The following IGFN1 variants were observed in gnomAD, a reference collection of about 807,000 sequenced individuals.
The protein encoded by IGFN1 is immunoglobulin like and fibronectin type III domain containing 1.
A neutral mutation model predicts 289.5 loss-of-function variants in IGFN1; 253 were observed. The ratio of observed to expected loss-of-function variants is 0.87; its 90% CI spans 0.79 to 0.97. The LOEUF is 0.97. Ranked by LOEUF, IGFN1 falls within the 50% of genes least tolerant of loss-of-function variation. The pLI is 0.00. For missense variants in IGFN1, 4,470 were observed against 4,686.1 expected, an observed-to-expected ratio of 0.95 and a Z score of 1.35; for synonymous variants, 1,706 against 1,788.5, an observed-to-expected ratio of 0.95 and a Z score of 1.16.
chr1:201,227,381 A>G (rs114446322), intron 23 of IGFN1, among the ~76,000 whole-genome samples, 173 bp downstream of exon 23: 1 of 151,998 alleles, frequency 6.6e-6, no homozygotes, highest in African/African-American at 2.4e-5. Context: ...ACACCGGCCC[A>G]CATGTGGTCT....
intron 17 of IGFN1, 43 bp downstream of exon 17, chr1:201,217,503 T>A: frequency 6.3e-7 from 1 of 1,599,274 alleles, no homozygotes. Flanking sequence ...AGACCCCTCC[T>A]GGCTCCAGGA....
In IGFN1 at chr1:201,212,144, G is replaced by A; in HGVS notation, c.7251G>A (p.Gly2417=). 2.0e-6 allele frequency: 3 copies of A among 1,536,336 alleles called. No individual in the cohort carries two copies. The highest frequency in any genetic ancestry group is 2.6e-6 in the Non-Finnish European group (3 of 1,146,746). The change falls in exon 12 of 24, where the codon GGG becomes GGA. Residue 2417 remains glycine, a synonymous_variant. Coordinates refer to ENST00000335211, the MANE Select transcript of IGFN1 (RefSeq NM_001164586.2). ...ERARETRLVD[G]AGPGVEPGMA... ...CCAGGGAAACCAGGCTTGTGGATGG[G>A]GCAGGACCTGGGGTGGAACCTGGGA... is the stretch of plus-strand genomic sequence containing the variant.
intron 9 of IGFN1, among the ~76,000 whole-genome samples, chr1:201,202,549 C>T (rs939516356): frequency 2.6e-5 from 4 of 152,120 alleles, no homozygotes; most frequent in Admixed American, 2.6e-4. Context: ...CCGATATCGA[C>T]AGGGCTAATT....
Position 201,226,025 on chromosome 1 carries a change from C to T in IGFN1, c.10688C>T (p.Pro3563Leu), listed in dbSNP as rs527626553. 627 of 1,584,288 alleles carry T rather than the reference C, an allele frequency of 4.0e-4. 8 individuals are homozygous for T. The South Asian group carries it at 6.8e-3, about 17-fold the overall frequency. Residue 3563 changes from proline (P) to leucine (L), a missense_variant, in exon 22 of 24, where the codon CCC becomes CTC. Coordinates refer to ENST00000335211, the MANE Select transcript of IGFN1 (RefSeq NM_001164586.2). Reference sequence around the variant, plus strand: ...CGCTTCACCCTCCTGGGCATCCTCCCCGGCCACGAATACCACTTCAGGGTG... The same window carrying T: ...CGCTTCACCCTCCTGGGCATCCTCCTCGGCCACGAATACCACTTCAGGGTG... The part of the protein sequence containing the change: ...TNRFTLLGIL[P>L]GHEYHFRVVA...
At chr1:201,223,890 C>T (rs142963012) in intron 20 of IGFN1, among the ~76,000 whole-genome samples, 26 of 152,334 alleles carry the variant, frequency 1.7e-4, no homozygotes, top group African/African-American at 6.0e-4. Flanking sequence ...CTATCTTACT[C>T]TAAATGACTT....
At chr1:201,202,061 G>T (rs1667189617) in intron 9 of IGFN1, among the ~76,000 whole-genome samples, 1 of 152,096 alleles carries the variant, frequency 6.6e-6, no homozygotes, top group South Asian at 2.1e-4. Flanking sequence ...TCTCCAGCTG[G>T]GCCTGTGATT....
intron 2 of IGFN1, 37 bp from the exon 3 acceptor site, chr1:201,194,117 T>G (rs907799523): frequency 1.3e-6 from 2 of 1,547,972 alleles, no homozygotes; most frequent in South Asian, 2.4e-5. Context: ...AGGAAGAAGG[T>G]GGAAGGCCCC....
chr1:201,207,889 C>A lies in IGFN1; in HGVS notation c.2996C>A (p.Ala999Glu). The change falls in exon 12 of 24, where the codon GCG becomes GAG. Residue 999 changes from alanine to glutamate, a missense_variant. By Grantham distance (107) the Ala-to-Glu change is moderately radical. This residue lies in a region of IGFN1 where 2,011 missense variants were observed against 1,953.4 expected (regional missense o/e 1.03). Transcript: ENST00000335211. ...AGCRVSPRAP[A>E]GVESEEGGGY... is the part of the protein sequence containing the mutation. The stretch of plus-strand genomic sequence containing the variant: ...TGTAGAGTTTCCCCTAGGGCACCTG[C>A]GGGAGTGGAGTCTGAGGAAGGGGGT... 4.6e-6 allele frequency: 7 copies of A among 1,535,884 alleles called. No homozygotes were observed. The highest frequency in any genetic ancestry group is 3.6e-5 in the South Asian group (3 of 83,928).
Position 201,213,011 on chromosome 1 carries a change from T to G in IGFN1, c.8118T>G (p.Asp2706Glu), listed in dbSNP as rs1177510884. ...GTCCTGGAAGGGGCAGTTCTGTTGA[T>G]GCAGAGGACTCAGGTATCCTGGGCA... ...GSSPGRGSSVDAEDSGILGKG... is the reference protein window; with the variant it reads ...GSSPGRGSSVEAEDSGILGKG... Residue 2706 changes from aspartate (D) to glutamate (E), a missense_variant, in exon 12 of 24, where the codon GAT (aspartate) becomes GAG (glutamate). By Grantham distance (45) the Asp-to-Glu change is conservative. Around this residue, in one of 8 missense-constraint regions of IGFN1, gnomAD observed 2,218 missense variants for 2,114.1 expected, o/e 1.05. Coordinates refer to ENST00000335211, the MANE Select transcript of IGFN1 (RefSeq NM_001164586.2). 5 of 1,551,542 alleles carry G rather than the reference T, an allele frequency of 3.2e-6. No individual in the cohort carries two copies. The South Asian group carries it at 4.8e-5, about 15-fold the overall frequency.
chr1:201,197,004 T>A (rs150028112), intron 4 of IGFN1, among the ~76,000 whole-genome samples: 10 of 152,338 alleles, frequency 6.6e-5, no homozygotes, highest in Admixed American at 2.6e-4. Context: ...TCTACTTCGC[T>A]ACATTGCCTC....
Position 201,210,041 on chromosome 1 carries a change from T to C in IGFN1, c.5148T>C (p.Ala1716=). 1 of 1,435,984 alleles carries C rather than the reference T, an allele frequency of 7.0e-7. No homozygotes were observed. Among genetic ancestry groups the C allele is most frequent in the East Asian group, 2.7e-5 (1 of 37,422 alleles). The allele number at this position is 1,435,984 out of a possible 1,614,324, so 89.0% of individuals were successfully genotyped here. ...NEAGYRKDLG[A]PEGMGSGSKA... is the part of the protein sequence containing the mutation. ...CAGGTTATAGGAAGGATTTGGGGGC[T>C]CCTGAGGGAATGGGTTCAGGGAGTA... is the stretch of plus-strand genomic sequence containing the variant. The change falls in exon 12 of 24, where the codon GCT becomes GCC. Residue 1716 remains alanine (A), a synonymous_variant. Coordinates refer to ENST00000335211, the MANE Select transcript of IGFN1 (RefSeq NM_001164586.2).
rs1352676038 is a variant in IGFN1, at chr1:201,203,690, C to A, written c.748-48C>A. On this transcript the variant is annotated intron_variant, in intron 9 of 23. Coordinates refer to ENST00000335211, the MANE Select transcript of IGFN1 (RefSeq NM_001164586.2). ...GCCAGAATGGGACTGGGGCAGGAAG[C>A]ACTGAGGACCCACTGAGGCCCGCCT... 6.6e-6 allele frequency: 10 copies of A among 1,525,496 alleles called. No individual in the cohort carries two copies. The Admixed American group carries it at 7.9e-5, about 12-fold the overall frequency. 94.5% of individuals were successfully genotyped at this position (1,525,496 alleles called of 1,614,324 possible).
Position 201,215,425 on chromosome 1 carries a change from TG to T in IGFN1, c.8996-110del, listed in dbSNP as rs767189974. The stretch of plus-strand genomic sequence containing the variant: ...CTTCCCCTTGTTTGTCCTCATGTGG[TG>T]GGGCAGGGGATTCCTTACTCTTCCC... On this transcript the variant is annotated intron_variant, in intron 14 of 23. Coordinates refer to ENST00000335211, the MANE Select transcript of IGFN1 (RefSeq NM_001164586.2). The T allele has an allele frequency of 4.2e-4, 405 of 971,664 alleles. 2 individuals carry two copies. Among genetic ancestry groups the T allele is most frequent in the Non-Finnish European group, 5.5e-4 (362 of 658,772 alleles). 60.2% of individuals were successfully genotyped at this position (971,664 alleles called of 1,614,324 possible). A position where few individuals can be genotyped will look rare whatever the true frequency, so the allele number is the denominator to read the frequency against.
At chr1:201,199,554 TCAACC>T in intron 6 of IGFN1, 50 bp from the exon 7 acceptor site, 1 of 1,515,978 alleles carries the variant, frequency 6.6e-7, no homozygotes, top group Non-Finnish European at 9.0e-7. Context: ...AAGCTCTGCA[TCAACC>T]CTCAGTCATC....
Position 201,214,027 on chromosome 1 carries a change from G to T in IGFN1, c.8729-150G>T, listed in dbSNP as rs530712629. On this transcript the variant is annotated intron_variant, in intron 12 of 23. Coordinates refer to ENST00000335211, the MANE Select transcript of IGFN1 (RefSeq NM_001164586.2). ...TGGGCTCCTGTCTGGGAAGACCAGG[G>T]CATTGGAGCCAAGATAGCATAGGTG... The T allele has an allele frequency of 3.9e-6, 3 of 760,380 alleles. No individual in the cohort carries two copies. In the East Asian group the frequency reaches 8.2e-5, roughly 21 times the overall value. The allele number at this position is 760,380 out of a possible 1,614,324, so 47.1% of individuals were successfully genotyped here. A position where few individuals can be genotyped will look rare whatever the true frequency, so the allele number is the denominator to read the frequency against.
rs908144945 is a variant in IGFN1 at position 201,212,196 on chromosome 1, G to A, written c.7303G>A (p.Gly2435Ser). ...GMAGMPGTAG[G>S]MAHRDSLRGT... ...GGCTGGAATGCCAGGCACTGCAGGT[G>A]GCATGGCACACAGAGACAGCCTCAG... Residue 2435 changes from glycine to serine, a missense_variant, in exon 12 of 24, where the codon GGC (glycine) becomes AGC (serine). Gly to Ser is a moderately conservative substitution (Grantham distance 56). Around this residue, in one of 8 missense-constraint regions of IGFN1, gnomAD observed 2,218 missense variants for 2,114.1 expected, o/e 1.05. Transcript: ENST00000335211. 9 of 1,535,044 alleles carry A rather than the reference G, an allele frequency of 5.9e-6. No individual in the cohort carries two copies. Among genetic ancestry groups the A allele is most frequent in the African/African-American group, 4.1e-5 (3 of 73,000 alleles).
chr1:201,224,765 C>A lies in IGFN1; in HGVS notation c.10377C>A (p.Thr3459=). ...TGACTGTCACTAAGGATGGCCTCAC[C>A]CAGCTTCTGATCCCTGTGGCTGGAC... The part of the protein sequence containing the change: ...RSVTVTKDGL[T]QLLIPVAGLS... Residue 3459 remains threonine (T), a synonymous_variant, in exon 21 of 24, where the codon ACC becomes ACA. Coordinates refer to ENST00000335211, the MANE Select transcript of IGFN1 (RefSeq NM_001164586.2). 1.2e-6 allele frequency: 2 copies of A among 1,614,208 alleles called. No individual in the cohort carries two copies. Among genetic ancestry groups the A allele is most frequent in the Non-Finnish European group, 1.7e-6 (2 of 1,180,034 alleles).
intron 16 of IGFN1, 120 bp from the exon 17 acceptor site, chr1:201,217,167 C>A: frequency 1.1e-6 from 1 of 873,552 alleles, no homozygotes; most frequent in Non-Finnish European, 1.8e-6. Context: ...CCCCGACACT[C>A]ACCAGGACAG....
In IGFN1 at chr1:201,207,733, G is replaced by T. The variant is rs1300586541; in HGVS notation, c.2840G>T (p.Gly947Val). The T allele has an allele frequency of 6.5e-7, 1 of 1,537,074 alleles. No homozygotes were observed. Among genetic ancestry groups the T allele is most frequent in the Non-Finnish European group, 8.7e-7 (1 of 1,146,874 alleles). The change falls in exon 12 of 24, where the codon GGT (glycine) becomes GTT (valine). Residue 947 changes from glycine to valine, a missense_variant. Coordinates refer to ENST00000335211, the MANE Select transcript of IGFN1 (RefSeq NM_001164586.2). ...ACAGGCTATAAGGATGGCTTGGAAGGTCCCGGGAGAATGGAATCTAGGTAC... is the reference window on the plus strand; with the variant it reads ...ACAGGCTATAAGGATGGCTTGGAAGTTCCCGGGAGAATGGAATCTAGGTAC... Reference protein sequence around the residue: ...GETGYKDGLEGPGRMESRYEG... With the variant: ...GETGYKDGLEVPGRMESRYEG...
Sources: gnomAD v4.1 joint callset for allele counts (sites outside exome capture counted in the v4.1 genomes callset) on GRCh38, gnomAD v4.1.1 for gene constraint, gnomAD v4.1.1 regional missense constraint, MANE v1.5 for transcripts, NCBI Gene and HGNC (gene_info 2026-07-23, HGNC 2026-07-21) for gene names.